The following TLK1 variants were observed in gnomAD, a reference collection of about 807,000 sequenced individuals.
TLK1 encodes serine/threonine-protein kinase tousled-like 1.
A neutral mutation model predicts 105.3 loss-of-function variants in TLK1; 24 were observed. The ratio of observed to expected loss-of-function variants is 0.23; its 90% CI spans 0.17 to 0.32. The LOEUF (loss-of-function observed/expected upper bound fraction) is 0.32. Ranked by LOEUF, TLK1 falls within the 10% of genes least tolerant of loss-of-function variation. The pLI is 1.00. For missense variants in TLK1, 558 were observed against 910.5 expected (o/e 0.61, Z 4.98); for synonymous variants, 321 against 310.4 (o/e 1.03, Z -0.36).
At position 171,117,731 on chromosome 2, in the gene TLK1, T is replaced by G. The variant is rs145027755; in HGVS notation, c.258+8A>C. 4.4e-5 allele frequency: 71 copies of G among 1,600,990 alleles called. No individual in the cohort carries two copies. In the African/African-American group the frequency reaches 6.8e-4, roughly 15 times the overall value. On this transcript the variant is annotated splice_region_variant and intron_variant, in intron 2 of 20. Transcript: ENST00000431350. ...AGACTGTCAAATAAAGATGAGAATT[T>G]TGCTCACTTTAGCTCCAACACTGCA... is the stretch of plus-strand genomic sequence containing the variant.
chr2:171,156,088 C>T lies in TLK1; in HGVS notation c.139+4202G>A, dbSNP rs1252473338. Reference sequence around the variant, plus strand: ...TTCACATTGTCAGTAACTTAAAAAACAAAAAACAAAAAACTGCCACTTGTT... The same window carrying T: ...TTCACATTGTCAGTAACTTAAAAAATAAAAAACAAAAAACTGCCACTTGTT... On this transcript the variant is annotated intron_variant, in intron 1 of 20. Coordinates refer to ENST00000431350, the MANE Select transcript of TLK1 (RefSeq NM_012290.5). Among the ~76,000 whole-genome samples the T allele has an allele frequency of 2.0e-5, 3 of 152,024 alleles. No homozygotes were observed. The East Asian group carries it at 5.8e-4, about 29-fold the overall frequency.
intron 3 of TLK1, among the ~76,000 whole-genome samples, chr2:171,072,141 T>C (rs1688288852): frequency 6.6e-6 from 1 of 152,250 alleles, no homozygotes; most frequent in Admixed American, 6.5e-5. Context: ...AGAATGCCAT[T>C]GGTATTTTGA....
At chr2:171,218,480 T>C (rs1339495548) in intron 1 of TLK1, among the ~76,000 whole-genome samples, 4 of 152,218 alleles carry the variant, frequency 2.6e-5, no homozygotes, top group Non-Finnish European at 5.9e-5. Context: ...ACTACTGTAC[T>C]ATACACTTAA....
At chr2:171,151,696 C>T (rs1015073744) in intron 1 of TLK1, among the ~76,000 whole-genome samples, 5 of 151,004 alleles carry the variant, frequency 3.3e-5, no homozygotes, top group Admixed American at 6.6e-5. Flanking sequence ...AGGATGGTCT[C>T]GATCTCCTGA....
At position 171,160,735 on chromosome 2, in the gene TLK1, CG is replaced by C. The variant is rs1345876125; in HGVS notation, c.-308del. ...GGCGTCGAGGGGGTGCCAGCCGGGC[CG>C]GGGTCGGAGCGCGGGCGGAGCGCGG... On this transcript the variant is annotated 5_prime_UTR_variant, in exon 1 of 21. Coordinates refer to ENST00000431350, the MANE Select transcript of TLK1 (RefSeq NM_012290.5). The surrounding 1 kb of genome is among the most constrained non-coding windows in gnomAD (Gnocchi z 4.4). 4.5e-6 allele frequency: 2 copies of C among 445,338 alleles called. No individual in the cohort carries two copies. The highest frequency in any genetic ancestry group is 4.4e-5 in the Admixed American group (1 of 22,622). The allele number at this position is 445,338 out of a possible 1,614,324, so 27.6% of individuals were successfully genotyped here.
intron 1 of TLK1, among the ~76,000 whole-genome samples, chr2:171,229,224 C>T (rs1046338136): frequency 7.2e-5 from 11 of 152,176 alleles, no homozygotes; most frequent in Non-Finnish European, 1.6e-4. Flanking sequence ...CCCTATCAAA[C>T]CTCAAAAAGG....
intron 1 of TLK1, among the ~76,000 whole-genome samples, chr2:171,196,068 G>A (rs1693268798): frequency 6.8e-6 from 1 of 146,884 alleles, no homozygotes; most frequent in African/African-American, 2.5e-5. Context: ...AAAGAAAAAG[G>A]AAGGAAGGAA....
intron 2 of TLK1, among the ~76,000 whole-genome samples, chr2:171,101,346 C>CAAAAAAAAAAAAAAAAA (rs71401403): frequency 2.8e-4 from 18 of 63,488 alleles, no homozygotes; most frequent in African/African-American, 1.3e-3. Flanking sequence ...AACTCCGTCT[C>CAAAAAAAAAAAAAAAAA]AAAAAAAAAA....
intron 11 of TLK1, among the ~76,000 whole-genome samples, chr2:171,043,189 T>C (rs1310742210): frequency 1.3e-5 from 2 of 152,208 alleles, no homozygotes; most frequent in Admixed American, 6.5e-5. Flanking sequence ...ATGCTGCGAC[T>C]GAAGAGATAG....
chr2:171,127,164 C>T (rs982727442), intron 1 of TLK1, among the ~76,000 whole-genome samples: 4 of 151,318 alleles, frequency 2.6e-5, no homozygotes, highest in East Asian at 2.0e-4. Flanking sequence ...GTGATCCCAG[C>T]GACTCAGGAG....
intron 11 of TLK1, among the ~76,000 whole-genome samples, chr2:171,037,050 A>T (rs1686378641): frequency 6.6e-6 from 1 of 152,166 alleles, no homozygotes; most frequent in Non-Finnish European, 1.5e-5. Flanking sequence ...AATACATTCT[A>T]TCTGCAGGAA....
Position 171,086,677 on chromosome 2 carries a change from G to A in TLK1, c.259-3825C>T, listed in dbSNP as rs561096968. 9.2e-4 allele frequency among the ~76,000 whole-genome samples: 139 copies of A among 151,576 alleles called. 4 individuals carry two copies. In the South Asian group the frequency reaches 0.028, roughly 31 times the overall value. On this transcript the variant is annotated intron_variant, in intron 2 of 20. Coordinates refer to ENST00000431350, the MANE Select transcript of TLK1 (RefSeq NM_012290.5). Reference sequence around the variant, plus strand: ...AGAAAAAAAAAGAAGAGGAGAAGAAGGGAATAGATCTGGGTAGGTTTCCTG... The same window carrying A: ...AGAAAAAAAAAGAAGAGGAGAAGAAAGGAATAGATCTGGGTAGGTTTCCTG...
chr2:171,002,736 G>C (rs80073860), intron 18 of TLK1, among the ~76,000 whole-genome samples: 1 of 152,062 alleles, frequency 6.6e-6, no homozygotes, highest in South Asian at 2.1e-4. Flanking sequence ...AGGCTCAAGC[G>C]ATGATCCTCT....
At chr2:171,050,558 TGA>T (rs1480484965) in intron 8 of TLK1, among the ~76,000 whole-genome samples, 6 of 98,242 alleles carry the variant, frequency 6.1e-5, no homozygotes, top group Non-Finnish European at 1.2e-4. Context: ...AAAATAAATG[TGA>T]GTTTTCCTCT....
chr2:171,069,163 C>T (rs933114222), intron 3 of TLK1, among the ~76,000 whole-genome samples: 3 of 151,986 alleles, frequency 2.0e-5, no homozygotes, highest in African/African-American at 7.3e-5. Context: ...CCAAGACTTA[C>T]CAGGGTAATT....
intron 2 of TLK1, among the ~76,000 whole-genome samples, chr2:171,085,495 C>A (rs962678781): frequency 2.6e-5 from 4 of 151,968 alleles, no homozygotes; most frequent in African/African-American, 9.7e-5. Flanking sequence ...AAACTACTGA[C>A]AGAGCACCAT....
chr2:171,176,398 C>T (rs777234443), intron 1 of TLK1, among the ~76,000 whole-genome samples: 2 of 152,174 alleles, frequency 1.3e-5, no homozygotes, highest in Non-Finnish European at 2.9e-5. Context: ...GCTAGCATGG[C>T]TTCTCTTGGG....
At chr2:171,041,243 C>T (rs1262156089) in intron 11 of TLK1, among the ~76,000 whole-genome samples, 1 of 152,120 alleles carries the variant, frequency 6.6e-6, no homozygotes, top group Non-Finnish European at 1.5e-5. Flanking sequence ...AACTAAAAAC[C>T]ATGCCAAGTA....
chr2:171,055,461 C>G (rs918146223), intron 6 of TLK1, among the ~76,000 whole-genome samples: 11 of 150,992 alleles, frequency 7.3e-5, no homozygotes, highest in African/African-American at 2.7e-4. Context: ...TGCTTTCATA[C>G]AGTTAAAAAA....
Sources: gnomAD v4.1 joint callset for allele counts (sites outside exome capture counted in the v4.1 genomes callset) on GRCh38, gnomAD v4.1.1 for gene constraint, Gnocchi (gnomAD v3.1) non-coding constraint, MANE v1.5 for transcripts, NCBI Gene and HGNC (gene_info 2026-07-23, HGNC 2026-07-21) for gene names.